Variants in PTPRD observed in about 807,000 individuals in gnomAD.
PTPRD encodes the protein receptor-type tyrosine-protein phosphatase delta.
In PTPRD, 34 loss-of-function variants were observed where a neutral mutation model predicts 214.5. The observed-to-expected ratio is 0.16, with a 90% CI of 0.12 to 0.21. PTPRD has a LOEUF of 0.21. Among genes scored for constraint, PTPRD ranks in the 10% least tolerant of loss-of-function variants. The pLI, the probability that PTPRD is intolerant of heterozygous loss-of-function variation, is 1.00. For synonymous variants in PTPRD, 1,128 were observed against 845.7 expected (o/e 1.33, Z -5.79); for missense variants, 2,545 against 2,398.7 (o/e 1.06, Z -1.27).
intron 7 of PTPRD, among the ~76,000 whole-genome samples, chr9:9,726,534 T>A (rs567349837): frequency 4.6e-5 from 7 of 152,326 alleles, no homozygotes; most frequent in African/African-American, 1.7e-4. Context: ...CATGATTTTT[T>A]AAACCATTTT....
chr9:8,594,620 G>A (rs534716429), intron 14 of PTPRD, among the ~76,000 whole-genome samples: 16 of 152,164 alleles, frequency 1.1e-4, no homozygotes, highest in Admixed American at 9.8e-4. Flanking sequence ...ATGATAGTGA[G>A]TCCTCACAAG....
At chr9:9,371,262 A>G (rs555603511) in intron 9 of PTPRD, among the ~76,000 whole-genome samples, 1 of 151,858 alleles carries the variant, frequency 6.6e-6, no homozygotes, top group Admixed American at 6.6e-5. Flanking sequence ...TTGGTTGGTA[A>G]GGTATTAATT....
At chr9:8,522,294 G>A (rs1021884914) in intron 19 of PTPRD, among the ~76,000 whole-genome samples, 6 of 152,106 alleles carry the variant, frequency 3.9e-5, no homozygotes, top group Admixed American at 6.6e-5. Context: ...AGCAATGACC[G>A]CAGAAGAAAT....
At chr9:8,782,200 A>ATGT in intron 11 of PTPRD, among the ~76,000 whole-genome samples, 1 of 151,904 alleles carries the variant, frequency 6.6e-6, no homozygotes, top group African/African-American at 2.4e-5. Context: ...ACATATACAA[A>ATGT]ATATACATGT....
intron 7 of PTPRD, among the ~76,000 whole-genome samples, chr9:9,646,325 G>C (rs2096170137): frequency 6.7e-6 from 1 of 149,258 alleles, no homozygotes. Flanking sequence ...GTGGGTGTGT[G>C]TGTGTGTGTG....
chr9:9,524,865 GTT>G (rs2073674663), intron 8 of PTPRD, among the ~76,000 whole-genome samples: 2 of 152,112 alleles, frequency 1.3e-5, no homozygotes, highest in African/African-American at 4.8e-5. Context: ...TTGTTTGTTT[GTT>G]TGTTTGTTGA....
At chr9:8,437,287 T>TTAAA in intron 34 of PTPRD, 1 of 1,291,964 alleles carries the variant, frequency 7.7e-7, no homozygotes, top group Non-Finnish European at 1.0e-6. Flanking sequence ...AACAAATTCT[T>TTAAA]CAAAAAAAAA....
intron 4 of PTPRD, among the ~76,000 whole-genome samples, chr9:10,001,500 G>A (rs972760601): frequency 6.6e-6 from 1 of 152,040 alleles, no homozygotes; most frequent in Non-Finnish European, 1.5e-5. Flanking sequence ...AATCTTAAAA[G>A]CAGAAAGATA....
chr9:8,465,697 C>G, intron 31 of PTPRD, 22 bp from the exon 32 acceptor site: 2 of 1,580,726 alleles, frequency 1.3e-6, no homozygotes, highest in East Asian at 4.5e-5. Flanking sequence ...AAGTGGGAAA[C>G]AGAAAAAGAA....
chr9:10,412,095 T>C (rs1055075442), intron 2 of PTPRD, among the ~76,000 whole-genome samples: 1 of 151,862 alleles, frequency 6.6e-6, no homozygotes, highest in African/African-American at 2.4e-5. Context: ...AACTCTGCAG[T>C]GCATTAGAAA....
chr9:10,453,383 T>C (rs1435445264), intron 2 of PTPRD, among the ~76,000 whole-genome samples: 1 of 151,710 alleles, frequency 6.6e-6, no homozygotes, highest in African/African-American at 2.4e-5. Flanking sequence ...TGAACTGATC[T>C]GTATGCCACA....
chr9:9,443,193 C>T (rs577320481), intron 8 of PTPRD, among the ~76,000 whole-genome samples: 1 of 152,108 alleles, frequency 6.6e-6, no homozygotes, highest in African/African-American at 2.4e-5. Context: ...GTTACTAAAA[C>T]ATAATGGAAG....
At chr9:9,409,788 A>G (rs1325930933) in intron 8 of PTPRD, among the ~76,000 whole-genome samples, 3 of 152,166 alleles carry the variant, frequency 2.0e-5, no homozygotes, top group Non-Finnish European at 4.4e-5. Context: ...GTATGTCAGT[A>G]TCTCAATGAT....
intron 3 of PTPRD, among the ~76,000 whole-genome samples, chr9:10,124,638 G>C (rs969050417): frequency 2.0e-5 from 3 of 152,018 alleles, no homozygotes; most frequent in African/African-American, 4.8e-5. Context: ...TTGTTTATTA[G>C]GGAGTTAGCA....
Position 9,031,409 on chromosome 9 carries a change from T to C in PTPRD, c.-142-12674A>G, listed in dbSNP as rs74784376. On this transcript the variant is annotated intron_variant, in intron 10 of 45. Coordinates refer to ENST00000381196, the MANE Select transcript of PTPRD (RefSeq NM_002839.4). ...AGCATAGCCCACTACACAACTCGGCTATGCGGTATAGCCTATAGCTCCTAG... is the reference window on the plus strand; with the variant it reads ...AGCATAGCCCACTACACAACTCGGCCATGCGGTATAGCCTATAGCTCCTAG... 4.1e-4 allele frequency among the ~76,000 whole-genome samples: 62 copies of C among 152,150 alleles called. No homozygotes were observed. The East Asian group carries it at 0.012, about 29-fold the overall frequency.
chr9:10,218,965 G>T (rs930299010), intron 3 of PTPRD, among the ~76,000 whole-genome samples: 1 of 151,638 alleles, frequency 6.6e-6, no homozygotes, highest in South Asian at 2.1e-4. Flanking sequence ...TTAAAAGTAA[G>T]AAGAAAAAAT....
intron 10 of PTPRD, among the ~76,000 whole-genome samples, chr9:9,042,773 C>T (rs986236750): frequency 6.6e-6 from 1 of 151,990 alleles, no homozygotes; most frequent in African/African-American, 2.4e-5. Flanking sequence ...GTTTCCCAGC[C>T]TCCTTTGTAA....
At chr9:10,112,706 C>T (rs2098701470) in intron 3 of PTPRD, among the ~76,000 whole-genome samples, 1 of 152,168 alleles carries the variant, frequency 6.6e-6, no homozygotes, top group African/African-American at 2.4e-5. Flanking sequence ...AAACAAAATG[C>T]ATACAGGCTA....
intron 37 of PTPRD, among the ~76,000 whole-genome samples, chr9:8,385,444 T>C (rs904755289): frequency 1.3e-5 from 2 of 152,104 alleles, no homozygotes; most frequent in African/African-American, 2.4e-5. Flanking sequence ...AGCCCAGAAA[T>C]GTTAGATTAC....
Sources: gnomAD v4.1 joint callset for allele counts (sites outside exome capture counted in the v4.1 genomes callset) on GRCh38, gnomAD v4.1.1 for gene constraint, MANE v1.5 for transcripts, NCBI Gene and HGNC (gene_info 2026-07-23, HGNC 2026-07-21) for gene names.